The following PDE4D variants were observed in gnomAD, a reference collection of about 807,000 sequenced individuals.
PDE4D encodes the protein 3',5'-cyclic-AMP phosphodiesterase 4D.
PDE4D carries 24 observed loss-of-function variants against 87.4 expected under a neutral mutation model. The ratio of observed to expected loss-of-function variants is 0.27; its 90% confidence interval spans 0.20 to 0.39. The LOEUF is 0.39. Among genes scored for constraint, PDE4D ranks in the 10% least tolerant of loss-of-function variants. PDE4D has a pLI of 1.00. For synonymous variants in PDE4D, 384 were observed against 383.2 expected (o/e 1.00, Z -0.02); for missense variants, 714 against 1,041.0 (o/e 0.69, Z 4.32).
chr5:59,831,171 G>T (rs1430640542), intron 1 of PDE4D, among the ~76,000 whole-genome samples: 1 of 151,830 alleles, frequency 6.6e-6, no homozygotes, highest in Non-Finnish European at 1.5e-5. Flanking sequence ...AGAAATTATT[G>T]TTGCCTGACA....
intron 2 of PDE4D, among the ~76,000 whole-genome samples, chr5:60,040,046 C>A (rs1768288348): frequency 6.6e-6 from 1 of 152,202 alleles, no homozygotes; most frequent in Non-Finnish European, 1.5e-5. Flanking sequence ...ACTTCCTTTT[C>A]AATTTTCCCA....
At chr5:59,332,061 A>G (rs1399122202) in intron 1 of PDE4D, among the ~76,000 whole-genome samples, 1 of 152,176 alleles carries the variant, frequency 6.6e-6, no homozygotes, top group East Asian at 1.9e-4. Flanking sequence ...AGCTCCTTAG[A>G]GCATGGCTAC....
intron 1 of PDE4D, among the ~76,000 whole-genome samples, chr5:60,290,646 A>T (rs969564426): frequency 1.3e-5 from 2 of 152,076 alleles, no homozygotes; most frequent in Non-Finnish European, 2.9e-5. Flanking sequence ...TCCACTAAAA[A>T]TACAAAAAGT....
chr5:60,334,077 C>T (rs1757538703), intron 1 of PDE4D, among the ~76,000 whole-genome samples: 1 of 152,182 alleles, frequency 6.6e-6, no homozygotes, highest in African/African-American at 2.4e-5. Flanking sequence ...TGTAGTCATT[C>T]CTTCCCAATG....
At chr5:60,282,248 T>G in intron 1 of PDE4D, among the ~76,000 whole-genome samples, 1 of 144,284 alleles carries the variant, frequency 6.9e-6, no homozygotes, top group South Asian at 2.2e-4. Context: ...TTTCTCAAAA[T>G]GAGCTCTATT....
At chr5:60,017,629 AT>A (rs957871759) in intron 2 of PDE4D, among the ~76,000 whole-genome samples, 78 of 152,034 alleles carry the variant, frequency 5.1e-4, no homozygotes, top group Admixed American at 2.2e-3. Flanking sequence ...ATATAATCTC[AT>A]TTTTTTTATG....
chr5:59,190,746 C>T (rs1282677761), intron 3 of PDE4D, among the ~76,000 whole-genome samples: 1 of 152,104 alleles, frequency 6.6e-6, no homozygotes, highest in Non-Finnish European at 1.5e-5. Context: ...TAAGAGAAGG[C>T]CACTCAAACA....
chr5:59,449,555 C>G (rs1272027310), intron 1 of PDE4D, among the ~76,000 whole-genome samples: 1 of 152,130 alleles, frequency 6.6e-6, no homozygotes, highest in East Asian at 1.9e-4. Flanking sequence ...CTCTTCTTAC[C>G]TGCCACAAAT....
chr5:59,000,161 C>T (rs1303331570), intron 6 of PDE4D, among the ~76,000 whole-genome samples: 6 of 152,150 alleles, frequency 3.9e-5, no homozygotes, highest in East Asian at 3.9e-4. Flanking sequence ...AAAAGATGAA[C>T]GGGGCTTCCC....
chr5:60,272,487 G>T (rs1463402001), intron 1 of PDE4D, among the ~76,000 whole-genome samples: 9 of 152,210 alleles, frequency 5.9e-5, no homozygotes, highest in Admixed American at 4.6e-4. Context: ...GATCACACAG[G>T]TCTGCAGATC....
chr5:59,424,553 C>T lies in PDE4D; in HGVS notation c.456-208585G>A, dbSNP rs1209890475. On this transcript the variant is annotated intron_variant, in intron 1 of 14. Transcript: ENST00000340635. ...AAGCAAAGGGGAAGAAAGGCATCTT[C>T]TTCACAGGGCAGCAGGAAGGAGAAA... Among the ~76,000 whole-genome samples, 3 of 152,158 alleles carry T rather than the reference C, an allele frequency of 2.0e-5. No individual in the cohort carries two copies. The East Asian group carries it at 5.8e-4, about 29-fold the overall frequency.
At chr5:59,689,701 G>T (rs1750569671) in intron 1 of PDE4D, among the ~76,000 whole-genome samples, 1 of 152,174 alleles carries the variant, frequency 6.6e-6, no homozygotes, top group Admixed American at 6.6e-5. Flanking sequence ...ATTCAACATA[G>T]TATTGGAAGT....
intron 1 of PDE4D, among the ~76,000 whole-genome samples, chr5:59,517,514 C>A (rs758947449): frequency 6.6e-6 from 1 of 152,112 alleles, no homozygotes; most frequent in Non-Finnish European, 1.5e-5. Context: ...GGGTACAGAG[C>A]AGCATTCAAA....
intron 5 of PDE4D, among the ~76,000 whole-genome samples, chr5:59,097,539 T>A (rs1466815341): frequency 6.6e-6 from 1 of 152,192 alleles, no homozygotes; most frequent in Admixed American, 6.5e-5. Context: ...AACTTGCCAA[T>A]TAAAATTTGG....
intron 1 of PDE4D, among the ~76,000 whole-genome samples, chr5:59,762,608 A>G (rs35201162): frequency 0.056 from 5,856 of 104,736 alleles, 404 homozygotes; most frequent in Middle Eastern, 0.11. Context: ...ATGTGTATAT[A>G]GGTACATATG....
At chr5:59,480,945 C>G (rs934984765) in intron 1 of PDE4D, among the ~76,000 whole-genome samples, 1 of 152,136 alleles carries the variant, frequency 6.6e-6, no homozygotes, top group Non-Finnish European at 1.5e-5. Context: ...GTAACCAGGA[C>G]AGCAATGACC....
chr5:59,084,603 G>A (rs965851231), intron 5 of PDE4D, among the ~76,000 whole-genome samples: 1 of 151,648 alleles, frequency 6.6e-6, no homozygotes, highest in Non-Finnish European at 1.5e-5. Flanking sequence ...AAATCAATAA[G>A]AGGCCAGGGG....
intron 5 of PDE4D, among the ~76,000 whole-genome samples, chr5:59,062,447 A>G (rs1434752998): frequency 1.3e-5 from 2 of 152,132 alleles, no homozygotes; most frequent in Admixed American, 6.6e-5. Flanking sequence ...ACTCGAAGTA[A>G]AAAGGTATAA....
chr5:59,436,247 T>C (rs1796781751), intron 1 of PDE4D, among the ~76,000 whole-genome samples: 1 of 152,138 alleles, frequency 6.6e-6, no homozygotes. Context: ...CAAATGAAGA[T>C]TTAACTATCA....
Sources: allele counts gnomAD v4.1 joint callset (sites outside exome capture counted in the v4.1 genomes callset), GRCh38; gene constraint gnomAD v4.1.1; transcripts MANE v1.5; gene names NCBI Gene and HGNC (gene_info 2026-07-23, HGNC 2026-07-21).